The following TRMT5 variants were observed in gnomAD, a reference collection of about 807,000 sequenced individuals.
The protein encoded by TRMT5 is tRNA (guanine(37)-N(1))-methyltransferase.
TRMT5 carries 31 observed loss-of-function variants against 42.2 expected under a neutral mutation model. The observed-to-expected ratio is 0.73, with a 90% CI of 0.55 to 0.99. The LOEUF (loss-of-function observed/expected upper bound fraction) is 0.99. Among genes scored for constraint, TRMT5 ranks in the 50% least tolerant of loss-of-function variants. TRMT5 has a pLI of 0.00. For synonymous variants in TRMT5, 198 were observed against 209.6 expected, an observed-to-expected ratio of 0.94 and a Z score of 0.48; for missense variants, 568 against 595.0, an observed-to-expected ratio of 0.95 and a Z score of 0.47.
At chr14:60,975,281 A>G in intron 4 of TRMT5, 87 bp from the exon 5 acceptor site, 1 of 1,341,502 alleles carries the variant, frequency 7.5e-7, no homozygotes, top group Non-Finnish European at 1.0e-6. Context: ...GGCATTTTTA[A>G]TCTAGTCAAC....
upstream of TRMT5, chr14:60,981,273 G>C (rs1250558458): frequency 1.3e-6 from 2 of 1,597,820 alleles, no homozygotes; most frequent in Non-Finnish European, 1.7e-6. Flanking sequence ...CAGCTGGAGA[G>C]CAGCATGGAG....
At position 60,975,845 on chromosome 14, in the gene TRMT5, G is replaced by A; in HGVS notation, c.1074C>T (p.Asp358=). 1 of 1,614,212 alleles carries A rather than the reference G, an allele frequency of 6.2e-7. No individual in the cohort carries two copies. The highest frequency in any genetic ancestry group is 8.5e-7 in the Non-Finnish European group (1 of 1,180,046). The change falls in exon 4 of 5, where the codon GAC becomes GAT. Residue 358 remains aspartate (D), a synonymous_variant. Coordinates refer to ENST00000261249, the MANE Select transcript of TRMT5 (RefSeq NM_020810.3). ...KVKVFNLDGK[D]FLQGPVKEEL... ...CTTCTTTGACTGGTCCTTGGAGGAA[G>A]TCTTTCCCATCCAAGTTGAAGACTT... is the stretch of plus-strand genomic sequence containing the variant.
chr14:60,981,292 G>C (rs751058053), upstream of TRMT5: 1 of 1,607,178 alleles, frequency 6.2e-7, no homozygotes, highest in Non-Finnish European at 8.5e-7. Context: ...AGGCGTCCTG[G>C]GGGAGCTTCA....
In TRMT5 at chr14:60,979,473, G is replaced by A. The variant is rs900320356; in HGVS notation, c.425C>T (p.Pro142Leu). The change falls in exon 2 of 5, where the codon CCC becomes CTC. Residue 142 changes from proline (P) to leucine (L), a missense_variant. Transcript: ENST00000261249. ...GGAATCATGAGTAAATATTTTATAG[G>A]GATCCAACATGATTAGTCTACTTTC... is the stretch of plus-strand genomic sequence containing the variant. ...DKESRLIMLDPYKIFTHDSFE... is the reference protein window; with the variant it reads ...DKESRLIMLDLYKIFTHDSFE... 2.5e-6 allele frequency: 4 copies of A among 1,614,040 alleles called. No individual in the cohort carries two copies. The highest frequency in any genetic ancestry group is 3.4e-6 in the Non-Finnish European group (4 of 1,179,998).
chr14:60,972,313 C>G lies in TRMT5; in HGVS notation c.*2796G>C. 1.9e-6 allele frequency: 1 copy of G among 540,456 alleles called. No individual in the cohort carries two copies. The highest frequency in any genetic ancestry group is 3.7e-6 in the Non-Finnish European group (1 of 269,594). 33.5% of individuals were successfully genotyped at this position (540,456 alleles called of 1,614,324 possible). Reference sequence around the variant, plus strand: ...GCTTTTCTCTTTTTCCCTTTGGGTACCTTCTCTCCCTTCTTTGCAGGGGCC... The same window carrying G: ...GCTTTTCTCTTTTTCCCTTTGGGTAGCTTCTCTCCCTTCTTTGCAGGGGCC... On this transcript the variant is annotated 3_prime_UTR_variant, in exon 5 of 5. Transcript: ENST00000261249.
chr14:60,979,121 TA>T, intron 2 of TRMT5, 109 bp downstream of exon 2: 1 of 963,260 alleles, frequency 1.0e-6, no homozygotes, highest in Non-Finnish European at 1.5e-6. Flanking sequence ...GTTAACATGA[TA>T]AAATGTTCTG....
At chr14:60,975,323 C>T in intron 4 of TRMT5, 129 bp from the exon 5 acceptor site, 3 of 1,304,718 alleles carry the variant, frequency 2.3e-6, no homozygotes, top group South Asian at 1.5e-5. Flanking sequence ...TGCAGATTTA[C>T]TATTTTAATG....
upstream of TRMT5, chr14:60,981,474 G>A: frequency 1.3e-6 from 2 of 1,539,980 alleles, no homozygotes; most frequent in Non-Finnish European, 8.7e-7. Context: ...GGACCGCACC[G>A]GGACAGGGGA....
intron 3 of TRMT5, 69 bp downstream of exon 3, chr14:60,977,445 T>A (rs2036862165): frequency 2.0e-6 from 3 of 1,467,248 alleles, no homozygotes; most frequent in African/African-American, 2.8e-5. Flanking sequence ...GTATTTTAAA[T>A]CTTTGTCATC....
chr14:60,975,646 C>T lies in TRMT5; in HGVS notation c.1273G>A (p.Ala425Thr). Residue 425 changes from alanine (A) to threonine (T), a missense_variant, in exon 4 of 5, where the codon GCT (alanine) becomes ACT (threonine). Physicochemically the swap from Ala to Thr is moderately conservative, Grantham distance 58. Coordinates refer to ENST00000261249, the MANE Select transcript of TRMT5 (RefSeq NM_020810.3). ...IVHCYSFSKD[A>T]NPAEDVRQRA... is the part of the protein sequence containing the mutation. ...TGCCGAACATCCTCAGCAGGGTTAG[C>T]ATCTTTGGAAAAGCTATAACAATGC... 3 of 1,614,196 alleles carry T rather than the reference C, an allele frequency of 1.9e-6. No individual in the cohort carries two copies. Among genetic ancestry groups the T allele is most frequent in the African/African-American group, 1.3e-5 (1 of 75,034 alleles).
Position 60,979,889 on chromosome 14 carries a change from T to TAAAA in TRMT5, c.12-7_12-4dup. 1.4e-5 allele frequency: 19 copies of TAAAA among 1,358,432 alleles called. No homozygotes were observed. The highest frequency in any genetic ancestry group is 2.4e-4 in the Middle Eastern group (1 of 4,204). 84.1% of individuals were successfully genotyped at this position (1,358,432 alleles called of 1,614,324 possible). ...ATCCAAATGGCCTCCATAAGATCCT[T>TAAAA]AAAAAAAAAAAAAAAAAATTCACAC... On this transcript the variant is annotated splice_region_variant and splice_polypyrimidine_tract_variant and intron_variant, in intron 1 of 4. Coordinates refer to ENST00000261249, the MANE Select transcript of TRMT5 (RefSeq NM_020810.3).
chr14:60,975,470 C>G lies in TRMT5; in HGVS notation c.1444+5G>C. On this transcript the variant is annotated splice_donor_5th_base_variant and intron_variant, in intron 4 of 4. Transcript: ENST00000261249. Reference sequence around the variant, plus strand: ...TTTACATTTAATTTCCCAGAAACTGCTCACCTGGATTTCTGGTCTGGTTCT... The same window carrying G: ...TTTACATTTAATTTCCCAGAAACTGGTCACCTGGATTTCTGGTCTGGTTCT... The G allele has an allele frequency of 6.2e-7, 1 of 1,603,382 alleles. No individual in the cohort carries two copies. The highest frequency in any genetic ancestry group is 8.5e-7 in the Non-Finnish European group (1 of 1,174,022).
At chr14:60,976,850 C>T (rs1482574972) in intron 3 of TRMT5, among the ~76,000 whole-genome samples, 1 of 151,908 alleles carries the variant, frequency 6.6e-6, no homozygotes, top group Admixed American at 6.6e-5. Flanking sequence ...GTAGTAGACA[C>T]CTTAAAAAAC....
In TRMT5 at chr14:60,972,545, G is replaced by A. The variant is rs555107707; in HGVS notation, c.*2564C>T. On this transcript the variant is annotated 3_prime_UTR_variant, in exon 5 of 5. Coordinates refer to ENST00000261249, the MANE Select transcript of TRMT5 (RefSeq NM_020810.3). ...GCGGGCTTTGGTCGGTCCAGGGGTC[G>A]TTCTTGCCTCTTCTCCTTCACACTG... The A allele has an allele frequency of 2.7e-5, 11 of 408,608 alleles. 1 individual carries two copies. The highest frequency in any genetic ancestry group is 1.6e-4 in the South Asian group (9 of 54,644). The allele number at this position is 408,608 out of a possible 1,614,324, so 25.3% of individuals were successfully genotyped here. A position where few individuals can be genotyped will look rare whatever the true frequency, so the allele number is the denominator to read the frequency against.
chr14:60,980,554 T>C (rs192883425), intron 1 of TRMT5, among the ~76,000 whole-genome samples: 2 of 152,360 alleles, frequency 1.3e-5, no homozygotes, highest in East Asian at 3.9e-4. Context: ...TAGAGGCTTC[T>C]GTATTTTGAG....
chr14:60,972,669 G>GT lies in TRMT5; in HGVS notation c.*2439dup. The GT allele has an allele frequency of 3.5e-6, 1 of 284,324 alleles. No individual in the cohort carries two copies. Among genetic ancestry groups the GT allele is most frequent in the Non-Finnish European group, 6.9e-6 (1 of 145,982 alleles). The allele number at this position is 284,324 out of a possible 1,614,324, so 17.6% of individuals were successfully genotyped here. A position where few individuals can be genotyped will look rare whatever the true frequency, so the allele number is the denominator to read the frequency against. On this transcript the variant is annotated 3_prime_UTR_variant, in exon 5 of 5. Transcript: ENST00000261249. ...ACATTGCCTCTAATCAGGGTTCTAAGTAAGTGTTCCCTGTGATCAAAATCA... is the reference window on the plus strand; with the variant it reads ...ACATTGCCTCTAATCAGGGTTCTAAGTTAAGTGTTCCCTGTGATCAAAATCA...
rs1039038796 is a variant in TRMT5, at chr14:60,977,538, A to G, written c.768T>C (p.Ser256=). Residue 256 remains serine (S), a synonymous_variant, in exon 3 of 5, where the codon TCT becomes TCC. Coordinates refer to ENST00000261249, the MANE Select transcript of TRMT5 (RefSeq NM_020810.3). ...CCTTTGTCATCATGTTCTGCTCTCC[A>G]GATAGCACTTCCATTTGGAAATTTC... The part of the protein sequence containing the change: ...MYRNFQMEVL[S]GEQNMMTKVR... The G allele has an allele frequency of 6.2e-7, 1 of 1,611,280 alleles. No homozygotes were observed. Among genetic ancestry groups the G allele is most frequent in the African/African-American group, 1.3e-5 (1 of 74,848 alleles).
At chr14:60,979,981 T>C in intron 1 of TRMT5, 95 bp from the exon 2 acceptor site, 1 of 1,338,568 alleles carries the variant, frequency 7.5e-7, no homozygotes, top group South Asian at 1.5e-5. Flanking sequence ...TGCTGACAAA[T>C]AAAACGTTTA....
chr14:60,981,537 T>TCAGATGAGATTGGCGCAGTTATGA, upstream of TRMT5: 8 of 1,532,046 alleles, frequency 5.2e-6, no homozygotes, highest in Non-Finnish European at 7.0e-6. Context: ...CCGCCGAGAT[T>TCAGATGAGATTGGCGCAGTTATGA]CAGATGAGAT....
Sources: allele counts gnomAD v4.1 joint callset (sites outside exome capture counted in the v4.1 genomes callset), GRCh38; gene constraint gnomAD v4.1.1; transcripts MANE v1.5; gene names NCBI Gene and HGNC (gene_info 2026-07-23, HGNC 2026-07-21).